MON2: variants seen among roughly 807,000 people sequenced by gnomAD.
MON2 encodes the protein protein MON2 homolog.
A neutral mutation model predicts 208.6 loss-of-function variants in MON2; 84 were observed. That is an observed-to-expected ratio of 0.40 (90% CI 0.34 to 0.48). The LOEUF (loss-of-function observed/expected upper bound fraction) is 0.48, where lower values mean the gene tolerates loss of function less well. Ranked by LOEUF, MON2 falls within the 20% of genes least tolerant of loss-of-function variation. The probability of loss-of-function intolerance (pLI) is 0.59; values close to 1 mark genes in which losing one functional copy is unlikely to be tolerated. For synonymous variants in MON2, 660 were observed against 694.0 expected (o/e 0.95, Z 0.77); for missense variants, 1,611 against 2,015.4 (o/e 0.80, Z 3.84).
intron 8 of MON2, chr12:62,508,798 T>C (rs775765693): frequency 8.6e-6 from 2 of 232,560 alleles, no homozygotes; most frequent in Non-Finnish European, 1.7e-5. Context: ...TTATAGTCTC[T>C]TCAGTTTATT....
Position 62,501,817 on chromosome 12 carries a change from G to T in MON2, c.789+119G>T, listed in dbSNP as rs1592888244. The T allele has an allele frequency of 2.8e-6, 3 of 1,078,670 alleles. No individual in the cohort carries two copies. In the East Asian group the frequency reaches 7.7e-5, roughly 28 times the overall value. The allele number at this position is 1,078,670 out of a possible 1,614,324, so 66.8% of individuals were successfully genotyped here. The stretch of plus-strand genomic sequence containing the variant: ...AAGTGGCAAAGAGGCCAGAGTTGGT[G>T]GTTCATGCCTGTAATTGCAACACTT... On this transcript the variant is annotated intron_variant, in intron 7 of 34. Transcript: ENST00000393630.
intron 30 of MON2, among the ~76,000 whole-genome samples, chr12:62,573,601 A>G (rs1385217465): frequency 1.3e-5 from 2 of 151,714 alleles, no homozygotes; most frequent in Non-Finnish European, 2.9e-5. Context: ...AATATTTTAT[A>G]TAATTTTGTA....
rs2074374776 is a variant in MON2 at position 62,566,080 on chromosome 12, G to A, written c.4194+49G>A. The A allele has an allele frequency of 3.2e-6, 5 of 1,562,334 alleles. No homozygotes were observed. The East Asian group carries it at 1.1e-4, about 35-fold the overall frequency. On this transcript the variant is annotated intron_variant, in intron 28 of 34. Coordinates refer to ENST00000393630, the MANE Select transcript of MON2 (RefSeq NM_015026.3). ...TCCTAACCTCTTGGCAACAAATAAA[G>A]TACATCTTTCCCGGTTCTTGGTAGA...
intron 11 of MON2, among the ~76,000 whole-genome samples, chr12:62,526,335 T>A (rs781187911): frequency 2.0e-5 from 3 of 152,194 alleles, no homozygotes; most frequent in Non-Finnish European, 4.4e-5. Context: ...TTTCTTTACA[T>A]ATGGACCTAT....
chr12:62,500,486 GA>G, intron 5 of MON2, among the ~76,000 whole-genome samples: 1 of 152,092 alleles, frequency 6.6e-6, no homozygotes, highest in East Asian at 1.9e-4. Flanking sequence ...TTAAATCCAT[GA>G]AAAAAAGGGG....
chr12:62,483,173 A>G (rs2069550226), intron 1 of MON2: 2 of 152,214 alleles, frequency 1.3e-5, no homozygotes, highest in African/African-American at 4.8e-5. Flanking sequence ...TTTTAATACT[A>G]AGTCTTCAAA....
chr12:62,526,243 T>G (rs1385375179), intron 11 of MON2, 141 bp downstream of exon 11: 12 of 789,860 alleles, frequency 1.5e-5, no homozygotes, highest in Non-Finnish European at 2.4e-5. Flanking sequence ...CGTCATATTT[T>G]GAAAATTGTA....
In MON2 at chr12:62,565,142, T is replaced by C. The variant is rs1037163400; in HGVS notation, c.4033-95T>C. On this transcript the variant is annotated intron_variant, in intron 26 of 34. Coordinates refer to ENST00000393630, the MANE Select transcript of MON2 (RefSeq NM_015026.3). ...TGGTATAATACATAAAATAAGACAGTTTTTAAGATTCTGTGGTTAAACAAA... is the reference window on the plus strand; with the variant it reads ...TGGTATAATACATAAAATAAGACAGCTTTTAAGATTCTGTGGTTAAACAAA... 14 of 1,242,588 alleles carry C rather than the reference T, an allele frequency of 1.1e-5. No homozygotes were observed. In the African/African-American group the frequency reaches 1.5e-4, roughly 14 times the overall value. The allele number at this position is 1,242,588 out of a possible 1,614,324, so 77.0% of individuals were successfully genotyped here. A position where few individuals can be genotyped will look rare whatever the true frequency, so the allele number is the denominator to read the frequency against.
At chr12:62,585,764 T>TA (rs895117892) in intron 33 of MON2, 151 of 248,434 alleles carry the variant, frequency 6.1e-4, no homozygotes, top group East Asian at 7.4e-4. Context: ...CTTTTTGAAT[T>TA]AAAAAAAAAT....
In MON2 at chr12:62,538,086, A is replaced by C; in HGVS notation, c.2119-10A>C. 2 of 1,600,962 alleles carry C rather than the reference A, an allele frequency of 1.2e-6. No homozygotes were observed. Among genetic ancestry groups the C allele is most frequent in the Non-Finnish European group, 1.7e-6 (2 of 1,175,044 alleles). ...AAGTTATTTGTTTTGATTTTTTTTTAATTTTACAGCATCTTGTGTGGATTC... is the reference window on the plus strand; with the variant it reads ...AAGTTATTTGTTTTGATTTTTTTTTCATTTTACAGCATCTTGTGTGGATTC... On this transcript the variant is annotated splice_polypyrimidine_tract_variant and intron_variant, in intron 16 of 34. Coordinates refer to ENST00000393630, the MANE Select transcript of MON2 (RefSeq NM_015026.3).
chr12:62,508,599 T>A, intron 8 of MON2, 119 bp downstream of exon 8: 2 of 779,318 alleles, frequency 2.6e-6, no homozygotes, highest in South Asian at 1.6e-5. Context: ...TTTTTTTGAG[T>A]ACCTACGTGT....
At position 62,467,385 on chromosome 12, in the gene MON2, C is replaced by T. The variant is rs1592780281; in HGVS notation, c.111+67C>T. The T allele has an allele frequency of 3.3e-5, 43 of 1,303,060 alleles. No homozygotes were observed. The East Asian group carries it at 9.3e-4, about 28-fold the overall frequency. 80.7% of individuals were successfully genotyped at this position (1,303,060 alleles called of 1,614,324 possible). A position where few individuals can be genotyped will look rare whatever the true frequency, so the allele number is the denominator to read the frequency against. On this transcript the variant is annotated intron_variant, in intron 1 of 34. Coordinates refer to ENST00000393630, the MANE Select transcript of MON2 (RefSeq NM_015026.3). ...CCTGGTCCTGTTAGACTCAGTGCTTCACCCCAGTTTCCAGTCCTAATTTTC... is the reference window on the plus strand; with the variant it reads ...CCTGGTCCTGTTAGACTCAGTGCTTTACCCCAGTTTCCAGTCCTAATTTTC...
rs977145678 is a variant in MON2, at chr12:62,600,011, A to G, written c.*7262A>G. The G allele has an allele frequency of 6.6e-6, 1 of 152,222 alleles. No individual in the cohort carries two copies. The highest frequency in any genetic ancestry group is 6.5e-5 in the Admixed American group (1 of 15,282). 9.4% of individuals were successfully genotyped at this position (152,222 alleles called of 1,614,324 possible). ...TGTTATAAATAACAGCATTGTGGTT[A>G]AGAGCCCAGAGTCTGGGGCCAGGCT... On this transcript the variant is annotated 3_prime_UTR_variant, in exon 35 of 35. Coordinates refer to ENST00000393630, the MANE Select transcript of MON2 (RefSeq NM_015026.3).
chr12:62,591,147 CAACTG>C (rs143695742), intron 34 of MON2, among the ~76,000 whole-genome samples: 7,012 of 152,254 alleles, frequency 0.046, 191 homozygotes, highest in Middle Eastern at 0.075. Context: ...TCACAGGAGA[CAACTG>C]AAGCAGAATT....
In MON2 at chr12:62,556,128, G is replaced by T; in HGVS notation, c.3345G>T (p.Trp1115Cys). The T allele has an allele frequency of 6.2e-7, 1 of 1,613,864 alleles. No individual in the cohort carries two copies. The stretch of plus-strand genomic sequence containing the variant: ...CCGAGAAGCAATGGGCTGAGACGTG[G>T]GTATTAACATTGGCTGGAGTAGCAA... ...DTAEKQWAETWVLTLAGVARI... is the reference protein window; with the variant it reads ...DTAEKQWAETCVLTLAGVARI... Residue 1115 changes from tryptophan to cysteine, a missense_variant, in exon 25 of 35, where the codon TGG (tryptophan) becomes TGT (cysteine). By Grantham distance (215) the Trp-to-Cys change is radical. Coordinates refer to ENST00000393630, the MANE Select transcript of MON2 (RefSeq NM_015026.3).
Position 62,599,674 on chromosome 12 carries a change from A to G in MON2, c.*6925A>G, listed in dbSNP as rs890116673. ...GTGAGCTGCCTAGAGTCACATACCTAAAGTCCAGGTGGATCACTATGTCTT... is the reference window on the plus strand; with the variant it reads ...GTGAGCTGCCTAGAGTCACATACCTGAAGTCCAGGTGGATCACTATGTCTT... On this transcript the variant is annotated 3_prime_UTR_variant, in exon 35 of 35. Coordinates refer to ENST00000393630, the MANE Select transcript of MON2 (RefSeq NM_015026.3). 5.9e-5 allele frequency: 9 copies of G among 152,186 alleles called. No individual in the cohort carries two copies. The highest frequency in any genetic ancestry group is 7.3e-5 in the Non-Finnish European group (5 of 68,030). 9.4% of individuals were successfully genotyped at this position (152,186 alleles called of 1,614,324 possible).
chr12:62,483,534 C>T (rs1362636756), intron 1 of MON2, among the ~76,000 whole-genome samples: 2 of 151,958 alleles, frequency 1.3e-5, no homozygotes, highest in Non-Finnish European at 2.9e-5. Flanking sequence ...ACAAAAAGTA[C>T]AAAAATAAAA....
chr12:62,477,511 G>A lies in MON2; in HGVS notation c.112-6659G>A, dbSNP rs143341940. Among the ~76,000 whole-genome samples, 287 of 151,652 alleles carry A rather than the reference G, an allele frequency of 1.9e-3. 1 individual carries two copies. The highest frequency in any genetic ancestry group is 6.1e-3 in the African/African-American group (254 of 41,312). ...TGCAATCACAACTCACTGTAGCCTCGACCTCCTGAGCTCCCACCTCAGCCT... is the reference window on the plus strand; with the variant it reads ...TGCAATCACAACTCACTGTAGCCTCAACCTCCTGAGCTCCCACCTCAGCCT... On this transcript the variant is annotated intron_variant, in intron 1 of 34. Transcript: ENST00000393630.
rs1393636492 is a variant in MON2, at chr12:62,553,009, AC to A, written c.3047del (p.Pro1016ArgfsTer102). On this transcript the variant is annotated frameshift_variant, in exon 24 of 35. Transcript: ENST00000393630. LOFTEE classifies it high-confidence loss of function. ...TTTTAAATCGGCCATTCCACCCTGC[AC>A]CGCCATTTGATTGCTTGTGGTTATG... ...VVLNRPFHPA[P>X]PFDCLWLCLY... 6.2e-7 allele frequency: 1 copy of A among 1,614,196 alleles called. No homozygotes were observed. Among genetic ancestry groups the A allele is most frequent in the Non-Finnish European group, 8.5e-7 (1 of 1,180,022 alleles).
Sources: allele counts gnomAD v4.1 joint callset (sites outside exome capture counted in the v4.1 genomes callset), GRCh38; gene constraint gnomAD v4.1.1; transcripts MANE v1.5; gene names NCBI Gene and HGNC (gene_info 2026-07-23, HGNC 2026-07-21).